SORCS3: variants seen among roughly 807,000 people sequenced by gnomAD.
SORCS3 encodes the protein VPS10 domain-containing receptor SorCS3.
In SORCS3, 57 loss-of-function variants were observed where a neutral mutation model predicts 146.3. The observed-to-expected ratio is 0.39, with a 90% CI of 0.31 to 0.49. SORCS3 has a LOEUF of 0.49. Ranked by LOEUF, SORCS3 falls within the 20% of genes least tolerant of loss-of-function variation. The pLI is 0.92. For missense variants in SORCS3, 1,341 were observed against 1,575.5 expected, an observed-to-expected ratio of 0.85 and a Z score of 2.52; for synonymous variants, 653 against 618.5, an observed-to-expected ratio of 1.06 and a Z score of -0.83.
chr10:104,954,243 A>G (rs2019463867), intron 3 of SORCS3, among the ~76,000 whole-genome samples: 1 of 152,198 alleles, frequency 6.6e-6, no homozygotes, highest in Admixed American at 6.5e-5. Context: ...TCCTATTATT[A>G]AAAGCTTAGA....
chr10:104,682,372 C>T (rs2133266252), intron 1 of SORCS3, among the ~76,000 whole-genome samples: 2 of 152,318 alleles, frequency 1.3e-5, no homozygotes, highest in East Asian at 3.9e-4. Flanking sequence ...GAAGCTGGGC[C>T]AGTTTCTTAG....
chr10:105,054,477 A>C (rs2055433213), intron 5 of SORCS3, among the ~76,000 whole-genome samples: 1 of 151,972 alleles, frequency 6.6e-6, no homozygotes, highest in Non-Finnish European at 1.5e-5. Context: ...TTAATAGTTA[A>C]CTATTTCATC....
chr10:104,851,212 A>G (rs998968708), intron 2 of SORCS3, among the ~76,000 whole-genome samples: 2 of 152,218 alleles, frequency 1.3e-5, no homozygotes, highest in African/African-American at 4.8e-5. Context: ...CCTATTTATT[A>G]TGGGAAAGAG....
intron 5 of SORCS3, among the ~76,000 whole-genome samples, chr10:105,069,137 T>A (rs2055541511): frequency 6.6e-6 from 1 of 152,216 alleles, no homozygotes; most frequent in South Asian, 2.1e-4. Flanking sequence ...CTCATAGTCA[T>A]GTACTATCCT....
At chr10:104,648,988 G>A (rs2015528226) in intron 1 of SORCS3, among the ~76,000 whole-genome samples, 1 of 152,108 alleles carries the variant, frequency 6.6e-6, no homozygotes, top group Admixed American at 6.5e-5. Context: ...CTGTTACTTG[G>A]CATGCACTGG....
chr10:105,140,635 C>CAAGAAAAATAAAGGAGTTA (rs2056088834), intron 8 of SORCS3, among the ~76,000 whole-genome samples: 1 of 152,062 alleles, frequency 6.6e-6, no homozygotes, highest in Non-Finnish European at 1.5e-5. Flanking sequence ...GTTAATTCTG[C>CAAGAAAAATAAAGGAGTTA]AAACAAAGAT....
At chr10:105,084,590 A>T (rs2055646340) in intron 5 of SORCS3, among the ~76,000 whole-genome samples, 1 of 152,210 alleles carries the variant, frequency 6.6e-6, no homozygotes, top group Non-Finnish European at 1.5e-5. Flanking sequence ...TCTAAATAAC[A>T]ATAAGTTCAT....
intron 2 of SORCS3, among the ~76,000 whole-genome samples, chr10:104,903,543 G>A (rs191652436): frequency 2.6e-4 from 40 of 152,206 alleles, no homozygotes; most frequent in Non-Finnish European, 4.3e-4. Context: ...GGAGATTCGC[G>A]ACTGGGCATA....
intron 5 of SORCS3, among the ~76,000 whole-genome samples, chr10:105,086,527 G>A (rs905385772): frequency 1.3e-5 from 2 of 152,178 alleles, no homozygotes; most frequent in African/African-American, 2.4e-5. Flanking sequence ...TAGGTGGAAG[G>A]AAGTAAGCCT....
chr10:104,689,336 G>C (rs1465272916), intron 1 of SORCS3, among the ~76,000 whole-genome samples: 1 of 152,110 alleles, frequency 6.6e-6, no homozygotes, highest in East Asian at 1.9e-4. Context: ...TTGGCCTTCA[G>C]GACTCTTACT....
At chr10:105,260,385 C>T (rs2056953658) in intron 25 of SORCS3, among the ~76,000 whole-genome samples, 1 of 152,160 alleles carries the variant, frequency 6.6e-6, no homozygotes, top group African/African-American at 2.4e-5. Flanking sequence ...ACTGTATTTT[C>T]ATTTATATAA....
At chr10:104,887,553 T>G (rs2018701655) in intron 2 of SORCS3, among the ~76,000 whole-genome samples, 1 of 152,170 alleles carries the variant, frequency 6.6e-6, no homozygotes, top group Non-Finnish European at 1.5e-5. Context: ...GAATGCAGCT[T>G]CTAGACAAGA....
At chr10:104,762,274 A>T (rs1446745206) in intron 1 of SORCS3, among the ~76,000 whole-genome samples, 2 of 152,112 alleles carry the variant, frequency 1.3e-5, no homozygotes, top group African/African-American at 4.8e-5. Context: ...AATGTTCTCT[A>T]GGTGGAGGGG....
intron 4 of SORCS3, among the ~76,000 whole-genome samples, chr10:105,025,011 G>A (rs964739147): frequency 2.0e-5 from 3 of 152,074 alleles, no homozygotes; most frequent in Non-Finnish European, 2.9e-5. Flanking sequence ...CTGCTGTACC[G>A]GGAGAACTAA....
At chr10:104,831,313 A>G (rs769199564) in intron 1 of SORCS3, among the ~76,000 whole-genome samples, 2 of 152,192 alleles carry the variant, frequency 1.3e-5, no homozygotes, top group Non-Finnish European at 2.9e-5. Flanking sequence ...CGTTCTTTGT[A>G]TAAAAGAAAA....
At chr10:104,941,104 A>G (rs980169691) in intron 3 of SORCS3, among the ~76,000 whole-genome samples, 2 of 152,180 alleles carry the variant, frequency 1.3e-5, no homozygotes, top group African/African-American at 4.8e-5. Flanking sequence ...ATTAGCAAAT[A>G]TTGAGCAGTG....
intron 3 of SORCS3, among the ~76,000 whole-genome samples, chr10:104,923,581 G>A (rs140712092): frequency 3.1e-4 from 47 of 152,302 alleles, no homozygotes; most frequent in African/African-American, 1.1e-3. Context: ...ACCCAGGGAC[G>A]CTTAGCCCTC....
chr10:104,669,370 A>G (rs2015823901), intron 1 of SORCS3, among the ~76,000 whole-genome samples: 1 of 152,172 alleles, frequency 6.6e-6, no homozygotes, highest in South Asian at 2.1e-4. Context: ...TTGCAAAACA[A>G]ACTCCATACC....
chr10:105,146,271 A>G (rs879466394), intron 8 of SORCS3, among the ~76,000 whole-genome samples: 1 of 152,124 alleles, frequency 6.6e-6, no homozygotes, highest in African/African-American at 2.4e-5. Flanking sequence ...GCCTACCTAC[A>G]CAGGCAAATG....
Sources: allele counts gnomAD v4.1 joint callset (sites outside exome capture counted in the v4.1 genomes callset), GRCh38; gene constraint gnomAD v4.1.1; transcripts MANE v1.5; gene names NCBI Gene and HGNC (gene_info 2026-07-23, HGNC 2026-07-21).